The following TEC variants were observed in gnomAD, a reference collection of about 807,000 sequenced individuals.
TEC encodes tec protein tyrosine kinase.
In TEC, 72 loss-of-function variants were observed where a neutral mutation model predicts 93.0. The observed-to-expected ratio is 0.77, with a 90% confidence interval of 0.64 to 0.94. TEC has a LOEUF of 0.94. Ranked by LOEUF, TEC falls within the 40% of genes least tolerant of loss-of-function variation. The pLI, the probability that TEC is intolerant of heterozygous loss-of-function variation, is 0.00. For synonymous variants in TEC, 249 were observed against 247.7 expected, an observed-to-expected ratio of 1.01 and a Z score of -0.05; for missense variants, 630 against 757.9, an observed-to-expected ratio of 0.83 and a Z score of 1.98.
At chr4:48,265,464 C>CATATATAT (rs201611439) in intron 1 of TEC, among the ~76,000 whole-genome samples, 131,187 of 142,256 alleles carry the variant, frequency 0.92, 61,584 homozygotes, top group Non-Finnish European at 1. Context: ...TACATATATA[C>CATATATAT]ACACACATAT....
At chr4:48,184,434 A>G (rs1721718072) in intron 2 of TEC, among the ~76,000 whole-genome samples, 1 of 152,258 alleles carries the variant, frequency 6.6e-6, no homozygotes, top group East Asian at 1.9e-4. Context: ...AAATAAAGTG[A>G]AATTAACATT....
chr4:48,155,938 TAC>T (rs1720381153), intron 9 of TEC: 1 of 152,250 alleles, frequency 6.6e-6, no homozygotes, highest in Admixed American at 6.5e-5. Context: ...GAGTAAAGTA[TAC>T]TTTTGAGAGC....
chr4:48,170,385 C>A lies in TEC; in HGVS notation c.326-9G>T. ...ATTGTTGTTCTTTATTTCTGTAATT[C>A]ACAGATATAGTAATTAATAGTGAAA... On this transcript the variant is annotated splice_polypyrimidine_tract_variant and intron_variant, in intron 4 of 17. Transcript: ENST00000381501. The A allele has an allele frequency of 7.5e-7, 1 of 1,337,296 alleles. No homozygotes were observed. Among genetic ancestry groups the A allele is most frequent in the Non-Finnish European group, 1.1e-6 (1 of 945,426 alleles). The allele number at this position is 1,337,296 out of a possible 1,614,324, so 82.8% of individuals were successfully genotyped here.
intron 2 of TEC, 140 bp from the exon 3 acceptor site, chr4:48,176,326 C>T: frequency 1.6e-6 from 1 of 625,404 alleles, no homozygotes; most frequent in Non-Finnish European, 2.8e-6. Flanking sequence ...CCACTAACTG[C>T]TAAAATTATT....
At chr4:48,233,914 G>C (rs1214984922) in intron 1 of TEC, among the ~76,000 whole-genome samples, 3 of 150,922 alleles carry the variant, frequency 2.0e-5, no homozygotes, top group Non-Finnish European at 4.4e-5. Flanking sequence ...GAAAGAGAAA[G>C]CAAAGAAAAC....
intron 2 of TEC, among the ~76,000 whole-genome samples, chr4:48,195,719 A>C (rs922405494): frequency 1.3e-5 from 2 of 152,246 alleles, no homozygotes; most frequent in African/African-American, 4.8e-5. Context: ...TCTAGGCTGC[A>C]ATGTTGTACT....
intron 2 of TEC, among the ~76,000 whole-genome samples, chr4:48,204,658 G>A (rs1053970083): frequency 9.2e-5 from 14 of 152,170 alleles, no homozygotes; most frequent in African/African-American, 3.4e-4. Flanking sequence ...ATTTCAGGAT[G>A]AAACTATTCC....
At chr4:48,149,360 CAG>C (rs1720061221) in intron 11 of TEC, among the ~76,000 whole-genome samples, 195 bp downstream of exon 11, 1 of 152,152 alleles carries the variant, frequency 6.6e-6, no homozygotes, top group Admixed American at 6.6e-5. Flanking sequence ...AAGGTCAAGA[CAG>C]AGCTTTTTAT....
intron 2 of TEC, among the ~76,000 whole-genome samples, chr4:48,176,586 G>A (rs367687375): frequency 1.4e-4 from 21 of 152,122 alleles, no homozygotes; most frequent in African/African-American, 5.1e-4. Flanking sequence ...GCCAGGTGTG[G>A]TGCTGTGCGC....
chr4:48,207,030 C>A (rs1204808838), intron 2 of TEC, among the ~76,000 whole-genome samples: 1 of 152,058 alleles, frequency 6.6e-6, no homozygotes, highest in African/African-American at 2.4e-5. Context: ...AGGAAGGAGA[C>A]AGAGATCTTC....
intron 8 of TEC, among the ~76,000 whole-genome samples, chr4:48,158,624 A>G (rs1048479907): frequency 1.3e-5 from 2 of 152,254 alleles, no homozygotes; most frequent in African/African-American, 4.8e-5. Context: ...TATTAAAAAC[A>G]GAAGATCCAG....
chr4:48,254,283 C>G (rs997541345), intron 1 of TEC, among the ~76,000 whole-genome samples: 1 of 152,194 alleles, frequency 6.6e-6, no homozygotes, highest in African/African-American at 2.4e-5. Context: ...AGGAGGGTAC[C>G]TGCATGAATG....
chr4:48,254,127 C>A (rs1322669484), intron 1 of TEC, among the ~76,000 whole-genome samples: 4 of 152,166 alleles, frequency 2.6e-5, no homozygotes, highest in Non-Finnish European at 5.9e-5. Context: ...CTCCCATTAA[C>A]CCCAAGACAA....
chr4:48,248,866 CTTT>C (rs34690737), intron 1 of TEC, among the ~76,000 whole-genome samples: 18 of 136,822 alleles, frequency 1.3e-4, no homozygotes, highest in Admixed American at 3.0e-4. Flanking sequence ...TCTCCTCTTT[CTTT>C]TTTTTTTTTT....
intron 2 of TEC, among the ~76,000 whole-genome samples, chr4:48,186,143 T>G (rs993756314): frequency 2.0e-5 from 3 of 152,074 alleles, no homozygotes; most frequent in African/African-American, 7.2e-5. Flanking sequence ...GCAGACGGAG[T>G]CTCGCTCACT....
intron 4 of TEC, 138 bp from the exon 5 acceptor site, chr4:48,170,514 G>A: frequency 1.8e-6 from 1 of 568,312 alleles, no homozygotes. Flanking sequence ...ACAGGACTCA[G>A]CATTCAGAAA....
chr4:48,249,633 A>C (rs1724150076), intron 1 of TEC, among the ~76,000 whole-genome samples: 1 of 152,230 alleles, frequency 6.6e-6, no homozygotes, highest in African/African-American at 2.4e-5. Context: ...GGAAGTAATT[A>C]CCTTTGGAGA....
intron 2 of TEC, among the ~76,000 whole-genome samples, chr4:48,221,472 G>A (rs1381188448): frequency 6.6e-6 from 1 of 152,164 alleles, no homozygotes; most frequent in African/African-American, 2.4e-5. Context: ...TAAGTTTCCT[G>A]AGGCCTCCCC....
intron 1 of TEC, among the ~76,000 whole-genome samples, chr4:48,235,023 A>G (rs2109648256): frequency 6.6e-6 from 1 of 152,242 alleles, no homozygotes; most frequent in Admixed American, 6.5e-5. Flanking sequence ...CCACTGGGCC[A>G]GGGCAGAACC....
Sources: allele counts gnomAD v4.1 joint callset (sites outside exome capture counted in the v4.1 genomes callset), GRCh38; gene constraint gnomAD v4.1.1; transcripts MANE v1.5; gene names NCBI Gene and HGNC (gene_info 2026-07-23, HGNC 2026-07-21).